ARHGAP40: variants seen among roughly 807,000 people sequenced by gnomAD.
ARHGAP40 encodes the protein rho GTPase-activating protein 40.
Under a neutral mutation model 73.5 loss-of-function variants are expected in ARHGAP40, and 43 were observed. The observed-to-expected ratio is 0.58, with a 90% CI of 0.46 to 0.75. ARHGAP40 has a LOEUF of 0.75. Among genes scored for constraint, ARHGAP40 ranks in the 30% least tolerant of loss-of-function variants. ARHGAP40 has a pLI of 0.00. For missense variants in ARHGAP40, 734 were observed against 861.8 expected (o/e 0.85, Z 1.86); for synonymous variants, 300 against 352.8 (o/e 0.85, Z 1.68).
intron 1 of ARHGAP40, among the ~76,000 whole-genome samples, chr20:38,613,065 T>C (rs1244756318): frequency 6.6e-6 from 1 of 152,352 alleles, no homozygotes; most frequent in East Asian, 1.9e-4. Context: ...TCTCTACTGA[T>C]TATTTTTTCC....
At chr20:38,628,400 G>A (rs1046665170) in intron 3 of ARHGAP40, among the ~76,000 whole-genome samples, 3 of 152,032 alleles carry the variant, frequency 2.0e-5, no homozygotes, top group Admixed American at 6.5e-5. Flanking sequence ...CGCCTCCCGG[G>A]TTCACGCCGT....
chr20:38,623,268 G>C (rs2088882431), intron 1 of ARHGAP40, 91 bp from the exon 2 acceptor site: 3 of 1,051,800 alleles, frequency 2.9e-6, no homozygotes, highest in Admixed American at 3.4e-5. Flanking sequence ...CAGGGGCCCA[G>C]GCTGATTTCT....
At chr20:38,642,423 A>G (rs1368533857) in intron 10 of ARHGAP40, among the ~76,000 whole-genome samples, 1 of 152,164 alleles carries the variant, frequency 6.6e-6, no homozygotes, top group African/African-American at 2.4e-5. Context: ...TTCCTGTTTG[A>G]GTTTCTGCTT....
chr20:38,604,061 G>A (rs1282503445), intron 1 of ARHGAP40, among the ~76,000 whole-genome samples: 5 of 152,168 alleles, frequency 3.3e-5, no homozygotes, highest in Non-Finnish European at 5.9e-5. Context: ...CTGAGGATTA[G>A]GATGTGGACA....
chr20:38,620,357 A>T (rs1321372391), intron 1 of ARHGAP40, among the ~76,000 whole-genome samples: 1 of 152,108 alleles, frequency 6.6e-6, no homozygotes, highest in African/African-American at 2.4e-5. Context: ...GAACAATGAC[A>T]CCTTTAGCAC....
chr20:38,622,322 CT>C (rs1341861190), intron 1 of ARHGAP40, among the ~76,000 whole-genome samples: 1 of 152,170 alleles, frequency 6.6e-6, no homozygotes, highest in Admixed American at 6.5e-5. Flanking sequence ...TCCCTCTCTT[CT>C]GGCAGGGGTA....
chr20:38,638,878 C>T, intron 8 of ARHGAP40, 40 bp downstream of exon 8: 1 of 1,289,388 alleles, frequency 7.8e-7, no homozygotes, highest in African/African-American at 1.5e-5. Context: ...GGCTGCATCT[C>T]CCCCATGCTC....
chr20:38,612,054 A>G (rs2088807797), intron 1 of ARHGAP40, among the ~76,000 whole-genome samples: 1 of 152,186 alleles, frequency 6.6e-6, no homozygotes, highest in African/African-American at 2.4e-5. Context: ...AATTAACAAC[A>G]TTAATACTTA....
chr20:38,640,581 A>G (rs1186259677), intron 9 of ARHGAP40, among the ~76,000 whole-genome samples: 1 of 151,984 alleles, frequency 6.6e-6, no homozygotes, highest in Non-Finnish European at 1.5e-5. Context: ...CACCCTCCAC[A>G]GCACTCTTGT....
chr20:38,615,099 C>CGA (rs1569008636), intron 1 of ARHGAP40: 1 of 939,584 alleles, frequency 1.1e-6, no homozygotes, highest in Non-Finnish European at 1.8e-6. Flanking sequence ...TTTGGCTATA[C>CGA]GAGTGTCCCA....
intron 2 of ARHGAP40, among the ~76,000 whole-genome samples, chr20:38,626,676 A>G (rs960545054): frequency 6.6e-6 from 1 of 152,220 alleles, no homozygotes; most frequent in African/African-American, 2.4e-5. Flanking sequence ...TGGGTTCATT[A>G]CTTTGGAGAG....
At chr20:38,625,441 C>T (rs973658859) in intron 2 of ARHGAP40, among the ~76,000 whole-genome samples, 7 of 150,998 alleles carry the variant, frequency 4.6e-5, no homozygotes, top group African/African-American at 1.5e-4. Flanking sequence ...ATTTTTGAAA[C>T]GGAGTTTCAC....
chr20:38,604,790 A>G (rs1224734047), intron 1 of ARHGAP40, among the ~76,000 whole-genome samples: 1 of 152,170 alleles, frequency 6.6e-6, no homozygotes, highest in South Asian at 2.1e-4. Context: ...TAAAAATACT[A>G]CCTCCACTCA....
intron 1 of ARHGAP40, among the ~76,000 whole-genome samples, chr20:38,611,897 T>A (rs2088807240): frequency 2.0e-5 from 3 of 151,154 alleles, no homozygotes; most frequent in Non-Finnish European, 4.4e-5. Context: ...TTTTGTAATT[T>A]TTTTTTTGTA....
intron 6 of ARHGAP40, among the ~76,000 whole-genome samples, chr20:38,636,317 A>G (rs1376732517): frequency 1.3e-5 from 2 of 150,586 alleles, no homozygotes; most frequent in African/African-American, 4.9e-5. Context: ...GCTGGAGTGC[A>G]GTGGCATGAT....
chr20:38,611,672 C>T lies in ARHGAP40; in HGVS notation c.137+9593C>T, dbSNP rs183433036. The stretch of plus-strand genomic sequence containing the variant: ...GGCTCTCTGCAAGCTCCCGGGTTCA[C>T]GCCATTCTCCTGCCTCAGCCTCCCA... On this transcript the variant is annotated intron_variant, in intron 1 of 14. Coordinates refer to ENST00000373345, the Ensembl canonical transcript of ARHGAP40. Among the ~76,000 whole-genome samples the T allele has an allele frequency of 1.3e-3, 198 of 151,956 alleles. 1 individual carries two copies. The highest frequency in any genetic ancestry group is 4.4e-3 in the African/African-American group (181 of 41,440).
intron 10 of ARHGAP40, among the ~76,000 whole-genome samples, 155 bp from the exon 11 acceptor site, chr20:38,643,549 C>T (rs1568611943): frequency 6.6e-6 from 1 of 152,140 alleles, no homozygotes; most frequent in African/African-American, 2.4e-5. Flanking sequence ...TGGAGTGGGC[C>T]GGTGACACAG....
chr20:38,646,304 T>G lies in ARHGAP40; in HGVS notation c.1710+117T>G. Reference sequence around the variant, plus strand: ...TACCGGGCTGCCAGCAACGGCCCAGTGAGGCCACCAGGGGGCGTTGCGGCG... The same window carrying G: ...TACCGGGCTGCCAGCAACGGCCCAGGGAGGCCACCAGGGGGCGTTGCGGCG... On this transcript the variant is annotated intron_variant, in intron 12 of 14. Transcript: ENST00000373345. This position sits in a 1 kb window ranked among gnomAD's most constrained non-coding sequence, Gnocchi z 4.5. 1 of 1,126,166 alleles carries G rather than the reference T, an allele frequency of 8.9e-7. No homozygotes were observed. 69.8% of individuals were successfully genotyped at this position (1,126,166 alleles called of 1,614,324 possible). A position where few individuals can be genotyped will look rare whatever the true frequency, so the allele number is the denominator to read the frequency against.
intron 8 of ARHGAP40, among the ~76,000 whole-genome samples, 158 bp from the exon 9 acceptor site, chr20:38,639,069 C>T (rs911611013): frequency 9.2e-5 from 14 of 152,350 alleles, no homozygotes; most frequent in African/African-American, 2.9e-4. Context: ...CTCAGTGACA[C>T]GCACGTTAGA....
Sources: gnomAD v4.1 joint callset for allele counts (sites outside exome capture counted in the v4.1 genomes callset) on GRCh38, gnomAD v4.1.1 for gene constraint, Gnocchi (gnomAD v3.1) non-coding constraint, MANE v1.5 for transcripts, NCBI Gene and HGNC (gene_info 2026-07-23, HGNC 2026-07-21) for gene names.